Variants in NR6A1 observed in about 807,000 individuals in gnomAD.
NR6A1 encodes the protein nuclear receptor subfamily 6 group A member 1.
In NR6A1, 7 loss-of-function variants were observed where a neutral mutation model predicts 59.1. That is an observed-to-expected ratio of 0.12 (90% CI 0.07 to 0.22). The LOEUF is 0.22. NR6A1 is among the 10% of genes least tolerant of loss of function. The pLI is 1.00. For synonymous variants in NR6A1, 243 were observed against 236.1 expected (o/e 1.03, Z -0.27); for missense variants, 468 against 611.6 (o/e 0.77, Z 2.48).
At chr9:124,756,378 A>G (rs1452196335) in intron 1 of NR6A1, among the ~76,000 whole-genome samples, 2 of 152,256 alleles carry the variant, frequency 1.3e-5, no homozygotes, top group African/African-American at 2.4e-5. Flanking sequence ...ACCAGTGGTG[A>G]GCACAAAGCA....
rs371021216 is a variant in NR6A1 at position 124,538,169 on chromosome 9, C to G, written c.747G>C (p.Gln249His). 2 of 1,614,212 alleles carry G rather than the reference C, an allele frequency of 1.2e-6. No homozygotes were observed. Among genetic ancestry groups the G allele is most frequent in the African/African-American group, 2.7e-5 (2 of 75,054 alleles). The part of the protein sequence containing the change: ...LPQQARSLDP[Q>H]SYSLIHQLLS... ...ACAGCTGGTGAATCAGACTGTATGACTGGGGATCCAGGCTGCGAGCTTGTT... is the reference window on the plus strand; with the variant it reads ...ACAGCTGGTGAATCAGACTGTATGAGTGGGGATCCAGGCTGCGAGCTTGTT... Residue 249 changes from glutamine to histidine, a missense_variant, in exon 6 of 10, where the codon CAG (glutamine) becomes CAC (histidine). Gln to His is a conservative substitution (Grantham distance 24, BLOSUM62 0). Transcript: ENST00000487099.
chr9:124,694,068 G>A (rs1838660409), intron 2 of NR6A1, among the ~76,000 whole-genome samples: 2 of 152,032 alleles, frequency 1.3e-5, no homozygotes, highest in Non-Finnish European at 2.9e-5. Context: ...TTTCTAAACA[G>A]AATCATATGC....
chr9:124,701,757 CTT>C (rs1250540441), intron 2 of NR6A1, among the ~76,000 whole-genome samples: 2 of 152,062 alleles, frequency 1.3e-5, no homozygotes, highest in Non-Finnish European at 2.9e-5. Context: ...GAGTTTCGCT[CTT>C]GTTGCCCAGG....
chr9:124,751,730 A>T (rs1840503005), intron 1 of NR6A1, among the ~76,000 whole-genome samples: 1 of 152,246 alleles, frequency 6.6e-6, no homozygotes, highest in African/African-American at 2.4e-5. Flanking sequence ...ATGTTCAGAG[A>T]TATGGCTAGC....
chr9:124,709,275 T>C (rs1176398293), intron 2 of NR6A1, among the ~76,000 whole-genome samples: 1 of 152,226 alleles, frequency 6.6e-6, no homozygotes, highest in Non-Finnish European at 1.5e-5. Flanking sequence ...CTCCTTAGAA[T>C]ACTTCTACAG....
At chr9:124,552,548 G>A (rs1011170112) in intron 3 of NR6A1, among the ~76,000 whole-genome samples, 5 of 152,164 alleles carry the variant, frequency 3.3e-5, no homozygotes, top group African/African-American at 1.2e-4. Context: ...TATGCCACAT[G>A]GTAGACATGT....
chr9:124,751,844 T>G (rs1840508199), intron 1 of NR6A1, among the ~76,000 whole-genome samples: 1 of 152,236 alleles, frequency 6.6e-6, no homozygotes, highest in South Asian at 2.1e-4. Flanking sequence ...CCATGAAGAA[T>G]TTTAAGGATG....
At chr9:124,598,788 G>T in intron 2 of NR6A1, 2 of 916,436 alleles carry the variant, frequency 2.2e-6, no homozygotes, top group Non-Finnish European at 3.5e-6. Context: ...CACTTTTTCG[G>T]CATGATCGCT....
intron 2 of NR6A1, among the ~76,000 whole-genome samples, chr9:124,673,071 T>G (rs1350780562): frequency 1.3e-5 from 2 of 152,118 alleles, no homozygotes; most frequent in African/African-American, 4.8e-5. Context: ...CCTGTAATCT[T>G]AGCACTTTGA....
intron 2 of NR6A1, among the ~76,000 whole-genome samples, chr9:124,698,059 C>T (rs923041539): frequency 6.6e-6 from 1 of 152,110 alleles, no homozygotes; most frequent in Non-Finnish European, 1.5e-5. Context: ...ACAGGAAGTT[C>T]AAACAGACTA....
chr9:124,658,945 A>G (rs956029985), intron 2 of NR6A1, among the ~76,000 whole-genome samples: 5 of 152,190 alleles, frequency 3.3e-5, no homozygotes, highest in Non-Finnish European at 5.9e-5. Context: ...AGAGTTATGA[A>G]GTCAGTTATT....
At chr9:124,675,079 T>A (rs1307568033) in intron 2 of NR6A1, among the ~76,000 whole-genome samples, 21 of 152,226 alleles carry the variant, frequency 1.4e-4, no homozygotes, top group Admixed American at 1.4e-3. Context: ...TAGTCTTTTC[T>A]TCCCATACTC....
intron 2 of NR6A1, among the ~76,000 whole-genome samples, chr9:124,591,180 T>TC (rs1835111427): frequency 6.6e-6 from 1 of 152,220 alleles, no homozygotes; most frequent in South Asian, 2.1e-4. Context: ...AGCCATAGGC[T>TC]CACCCAAGAA....
chr9:124,628,642 A>ATT (rs1450503119), intron 2 of NR6A1, among the ~76,000 whole-genome samples: 1 of 138,784 alleles, frequency 7.2e-6, no homozygotes, highest in Non-Finnish European at 1.6e-5. Context: ...CGTCCAGCCT[A>ATT]TTTTTTTTTT....
At chr9:124,704,702 A>C (rs573011886) in intron 2 of NR6A1, among the ~76,000 whole-genome samples, 1 of 151,872 alleles carries the variant, frequency 6.6e-6, no homozygotes, top group Admixed American at 6.6e-5. Context: ...ACATTTCATA[A>C]ATTTTGATAT....
chr9:124,570,068 C>T (rs921555933), intron 2 of NR6A1, among the ~76,000 whole-genome samples: 1 of 152,178 alleles, frequency 6.6e-6, no homozygotes, highest in Non-Finnish European at 1.5e-5. Flanking sequence ...TCCTTTTGTT[C>T]CTAAGCAGAT....
chr9:124,671,158 A>C (rs1588766037), intron 2 of NR6A1, among the ~76,000 whole-genome samples: 1 of 152,334 alleles, frequency 6.6e-6, no homozygotes, highest in Middle Eastern at 3.4e-3. Context: ...CAGTTTTGCA[A>C]GGTGAAAAAG....
chr9:124,602,939 T>C (rs936460595), intron 2 of NR6A1, among the ~76,000 whole-genome samples: 2 of 152,206 alleles, frequency 1.3e-5, no homozygotes, highest in South Asian at 2.1e-4. Context: ...GCAAATATTA[T>C]ACTAAGCTAT....
chr9:124,743,439 C>T (rs2131153210), intron 1 of NR6A1, among the ~76,000 whole-genome samples: 1 of 152,290 alleles, frequency 6.6e-6, no homozygotes, highest in South Asian at 2.1e-4. Context: ...AAAAACAATA[C>T]CCTTTTCCTA....
Sources: gnomAD v4.1 joint callset for allele counts (sites outside exome capture counted in the v4.1 genomes callset) on GRCh38, gnomAD v4.1.1 for gene constraint, MANE v1.5 for transcripts, NCBI Gene and HGNC (gene_info 2026-07-23, HGNC 2026-07-21) for gene names.